TBC1D5: variants seen among roughly 807,000 people sequenced by gnomAD.
The protein encoded by TBC1D5 is TBC1 domain family member 5.
Under a neutral mutation model 100.3 loss-of-function variants are expected in TBC1D5, and 75 were observed. The observed-to-expected ratio is 0.75, with a 90% confidence interval of 0.62 to 0.91. The LOEUF (loss-of-function observed/expected upper bound fraction) is 0.91, where lower values mean the gene tolerates loss of function less well. Ranked by LOEUF, TBC1D5 falls within the 40% of genes least tolerant of loss-of-function variation. TBC1D5 has a pLI of 0.00. For missense variants in TBC1D5, 910 were observed against 942.4 expected, an observed-to-expected ratio of 0.97 and a Z score of 0.45; for synonymous variants, 323 against 325.6, an observed-to-expected ratio of 0.99 and a Z score of 0.09.
chr3:17,734,276 G>C (rs180778646), intron 1 of TBC1D5, among the ~76,000 whole-genome samples: 12 of 152,066 alleles, frequency 7.9e-5, no homozygotes, highest in African/African-American at 2.9e-4. Context: ...TGTGGAGGGC[G>C]GAGGGGGAGA....
chr3:17,645,256 C>G (rs1286806322), intron 1 of TBC1D5, among the ~76,000 whole-genome samples: 2 of 151,930 alleles, frequency 1.3e-5, no homozygotes, highest in African/African-American at 4.8e-5. Flanking sequence ...CCCAAATGAC[C>G]AGAGGAAAAG....
chr3:17,313,909 A>G (rs1211239535), intron 13 of TBC1D5, among the ~76,000 whole-genome samples: 1 of 152,180 alleles, frequency 6.6e-6, no homozygotes, highest in Admixed American at 6.5e-5. Context: ...GCAGCAGGGT[A>G]TCTTATTGCC....
intron 17 of TBC1D5, among the ~76,000 whole-genome samples, chr3:17,217,900 TG>T (rs1294652823): frequency 6.6e-6 from 1 of 152,062 alleles, no homozygotes; most frequent in African/African-American, 2.4e-5. Context: ...TTTTGTTGCT[TG>T]TGCTCATAGT....
chr3:17,586,211 G>C (rs949082950), intron 2 of TBC1D5: 1 of 152,174 alleles, frequency 6.6e-6, no homozygotes, highest in Non-Finnish European at 1.5e-5. Flanking sequence ...TTCCCTGAAG[G>C]AGTCTTCAAT....
chr3:17,394,797 G>A (rs941892743), intron 8 of TBC1D5, among the ~76,000 whole-genome samples: 5 of 152,030 alleles, frequency 3.3e-5, no homozygotes, highest in East Asian at 1.9e-4. Context: ...TTAAGACGAC[G>A]CAATCGGGCG....
At chr3:17,422,845 A>G (rs966781689) in intron 4 of TBC1D5, among the ~76,000 whole-genome samples, 4 of 152,192 alleles carry the variant, frequency 2.6e-5, no homozygotes, top group Non-Finnish European at 5.9e-5. Flanking sequence ...ATATGCAACT[A>G]AGATACATAC....
At chr3:17,428,564 A>G (rs749973500) in intron 3 of TBC1D5, 45 bp from the exon 4 acceptor site, 24 of 1,118,158 alleles carry the variant, frequency 2.1e-5, no homozygotes, top group Middle Eastern at 2.8e-4. Flanking sequence ...GATAAACTGA[A>G]TATTTCAGTT....
At chr3:17,612,537 G>C (rs1471827920) in intron 2 of TBC1D5, among the ~76,000 whole-genome samples, 1 of 151,992 alleles carries the variant, frequency 6.6e-6, no homozygotes, top group African/African-American at 2.4e-5. Context: ...GGCTGAGGCA[G>C]GAGAATACCT....
At chr3:17,731,302 A>C (rs893671004) in intron 1 of TBC1D5, among the ~76,000 whole-genome samples, 1 of 152,042 alleles carries the variant, frequency 6.6e-6, no homozygotes, top group Non-Finnish European at 1.5e-5. Flanking sequence ...AGAGATTGAG[A>C]CCATCCTCGC....
intron 4 of TBC1D5, among the ~76,000 whole-genome samples, chr3:17,426,752 G>A (rs2094345605): frequency 6.6e-6 from 1 of 151,898 alleles, no homozygotes; most frequent in Admixed American, 6.6e-5. Context: ...ACCTTCACAT[G>A]AAAACATTTC....
At chr3:17,559,777 G>C (rs977770756) in intron 2 of TBC1D5, among the ~76,000 whole-genome samples, 4 of 151,930 alleles carry the variant, frequency 2.6e-5, no homozygotes, top group African/African-American at 4.8e-5. Context: ...TTTTAGTACA[G>C]ACGGGGTTTC....
intron 17 of TBC1D5, among the ~76,000 whole-genome samples, chr3:17,233,305 G>C (rs951490697): frequency 2.0e-5 from 3 of 152,140 alleles, no homozygotes; most frequent in Non-Finnish European, 4.4e-5. Context: ...TAGCACATAA[G>C]ATGTCTATTT....
intron 2 of TBC1D5, among the ~76,000 whole-genome samples, chr3:17,572,488 G>A (rs937389447): frequency 6.6e-6 from 1 of 151,600 alleles, no homozygotes; most frequent in Non-Finnish European, 1.5e-5. Flanking sequence ...ACACTTTGAC[G>A]TCTCTCCTAA....
chr3:17,589,580 T>G (rs1437860492), intron 2 of TBC1D5, among the ~76,000 whole-genome samples: 2 of 152,232 alleles, frequency 1.3e-5, no homozygotes, highest in Non-Finnish European at 2.9e-5. Context: ...ACCATGATTG[T>G]GAGGCCTCCC....
At chr3:17,495,379 G>T (rs2095693471) in intron 3 of TBC1D5, among the ~76,000 whole-genome samples, 1 of 152,164 alleles carries the variant, frequency 6.6e-6, no homozygotes. Context: ...ATCAAATTAG[G>T]TAAACAGATT....
At chr3:17,352,928 C>G (rs993030461) in intron 13 of TBC1D5, among the ~76,000 whole-genome samples, 1 of 152,010 alleles carries the variant, frequency 6.6e-6, no homozygotes, top group African/African-American at 2.4e-5. Flanking sequence ...TGTCTGTTGT[C>G]AAACACACTA....
intron 3 of TBC1D5, among the ~76,000 whole-genome samples, chr3:17,484,224 G>A (rs114469890): frequency 1.3e-5 from 2 of 151,982 alleles, no homozygotes; most frequent in African/African-American, 4.8e-5. Context: ...TACTATTTTC[G>A]ATATGAAACC....
chr3:17,204,842 G>T (rs961744640), intron 18 of TBC1D5, among the ~76,000 whole-genome samples: 2 of 152,082 alleles, frequency 1.3e-5, no homozygotes, highest in Admixed American at 6.6e-5. Context: ...AAAATAGAGG[G>T]CTTTTAATGA....
At chr3:17,378,808 G>T (rs2092813558) in intron 9 of TBC1D5, among the ~76,000 whole-genome samples, 3 of 148,300 alleles carry the variant, frequency 2.0e-5, no homozygotes, top group African/African-American at 2.5e-5. Flanking sequence ...ACTGATATAA[G>T]TTTAATTTTT....
Sources: gnomAD v4.1 joint callset for allele counts (sites outside exome capture counted in the v4.1 genomes callset) on GRCh38, gnomAD v4.1.1 for gene constraint, MANE v1.5 for transcripts, NCBI Gene and HGNC (gene_info 2026-07-23, HGNC 2026-07-21) for gene names.